PLEKHA6: variants seen among roughly 807,000 people sequenced by gnomAD.
PLEKHA6 encodes the protein pleckstrin homology domain-containing family A member 6.
PLEKHA6 carries 60 observed loss-of-function variants against 116.7 expected under a neutral mutation model. The observed-to-expected ratio is 0.51, with a 90% CI of 0.42 to 0.64. The LOEUF (loss-of-function observed/expected upper bound fraction) is 0.64, where lower values mean the gene tolerates loss of function less well. Among genes scored for constraint, PLEKHA6 ranks in the 30% least tolerant of loss-of-function variants. PLEKHA6 has a pLI of 0.00. For synonymous variants in PLEKHA6, 489 were observed against 556.1 expected, an observed-to-expected ratio of 0.88 and a Z score of 1.70; for missense variants, 1,338 against 1,422.7, an observed-to-expected ratio of 0.94 and a Z score of 0.96.
intron 12 of PLEKHA6, 50 bp downstream of exon 12, chr1:204,248,771 C>A: frequency 6.4e-7 from 1 of 1,570,332 alleles, no homozygotes; most frequent in Non-Finnish European, 8.7e-7. Flanking sequence ...GGTGGCCCTG[C>A]TGCCTAGTGC....
chr1:204,334,282 G>A (rs950492991), intron 1 of PLEKHA6, among the ~76,000 whole-genome samples: 9 of 152,174 alleles, frequency 5.9e-5, no homozygotes, highest in Admixed American at 2.0e-4. Flanking sequence ...TGAGTGGGAC[G>A]CAAAGCCTTT....
rs1484134831 is a variant in PLEKHA6, at chr1:204,277,241, G to A, written c.-94-2432C>T. 1.3e-5 allele frequency: 2 copies of A among 152,300 alleles called. No individual in the cohort carries two copies. The highest frequency in any genetic ancestry group is 6.5e-5 in the Admixed American group (1 of 15,278). The allele number at this position is 152,300 out of a possible 1,614,324, so 9.4% of individuals were successfully genotyped here. ...GGCACTCTCCTTGGGTGGTGGTAGG[G>A]GTCGCCTAGGTGCCCTAGTAGGCCT... On this transcript the variant is annotated intron_variant, in intron 1 of 22. Coordinates refer to ENST00000272203, the MANE Select transcript of PLEKHA6 (RefSeq NM_014935.5). This position sits in a 1 kb window ranked among gnomAD's most constrained non-coding sequence, Gnocchi z 4.1.
Position 204,268,226 on chromosome 1 carries a change from C to T in PLEKHA6, c.189G>A (p.Ala63=), listed in dbSNP as rs746976238. The change falls in exon 4 of 23, where the codon GCG becomes GCA. Residue 63 remains alanine, a synonymous_variant. Coordinates refer to ENST00000272203, the MANE Select transcript of PLEKHA6 (RefSeq NM_014935.5). ...GCCTCACCTGTTTGAAGAGCCAGCCCGCCTTGGTGACAGGTGCATTGGGGT... is the reference window on the plus strand; with the variant it reads ...GCCTCACCTGTTTGAAGAGCCAGCCTGCCTTGGTGACAGGTGCATTGGGGT... ...KRNPNAPVTK[A]GWLFKQASSG... 70 of 1,611,198 alleles carry T rather than the reference C, an allele frequency of 4.3e-5. No individual in the cohort carries two copies. The highest frequency in any genetic ancestry group is 1.6e-4 in the Middle Eastern group (1 of 6,066).
chr1:204,257,686 G>T lies in PLEKHA6; in HGVS notation c.1191C>A (p.Arg397=), dbSNP rs1166107288. Residue 397 remains arginine, a synonymous_variant, in exon 9 of 23, where the codon CGC becomes CGA. Coordinates refer to ENST00000272203, the MANE Select transcript of PLEKHA6 (RefSeq NM_014935.5). This position sits in a 1 kb window ranked among gnomAD's most constrained non-coding sequence, Gnocchi z 6.5. ...GCTGGTAGGCAGGGCCACCCCCATT[G>T]CGGAAGGCATGGCGCTTGTCCTCCA... ...WALEDKRHAF[R]NGGGPAYQLR... The T allele has an allele frequency of 1.9e-6, 3 of 1,611,042 alleles. No homozygotes were observed. The highest frequency in any genetic ancestry group is 2.5e-6 in the Non-Finnish European group (3 of 1,178,804).
In PLEKHA6 at chr1:204,308,693, T is replaced by C. The variant is rs111433099; in HGVS notation, c.-94-33884A>G. On this transcript the variant is annotated intron_variant, in intron 1 of 22. Coordinates refer to ENST00000272203, the MANE Select transcript of PLEKHA6 (RefSeq NM_014935.5). Reference sequence around the variant, plus strand: ...GGTAATTCTTTTTCTTTTTCTTTTTTTTTTTTTTTTTTTTTGAGACAGAGT... The same window carrying C: ...GGTAATTCTTTTTCTTTTTCTTTTTCTTTTTTTTTTTTTTTGAGACAGAGT... 5.7e-4 allele frequency among the ~76,000 whole-genome samples: 56 copies of C among 99,050 alleles called. 1 individual carries two copies. The highest frequency in any genetic ancestry group is 2.2e-3 in the African/African-American group (49 of 22,200). The allele number at this position is 99,050 out of a possible 152,430, so 65.0% of individuals were successfully genotyped here.
Position 204,295,422 on chromosome 1 carries a change from G to A in PLEKHA6, c.-94-20613C>T, listed in dbSNP as rs541074167. ...AGAGGATCGCTTGAATCCGGGAGGC[G>A]GAGGTTGCAGTGAGCTGAGGTCATG... On this transcript the variant is annotated intron_variant, in intron 1 of 22. Coordinates refer to ENST00000272203, the MANE Select transcript of PLEKHA6 (RefSeq NM_014935.5). Among the ~76,000 whole-genome samples the A allele has an allele frequency of 5.3e-5, 8 of 151,848 alleles. No individual in the cohort carries two copies. In the East Asian group the frequency reaches 1.2e-3, roughly 22 times the overall value.
chr1:204,243,224 C>T (rs1000270994), intron 15 of PLEKHA6: 46 of 399,292 alleles, frequency 1.2e-4, no homozygotes, highest in African/African-American at 4.7e-4. Context: ...TCCAGGGGGA[C>T]GTAGGCTTTG....
intron 1 of PLEKHA6, among the ~76,000 whole-genome samples, chr1:204,305,084 T>C (rs1165706215): frequency 1.3e-5 from 2 of 152,162 alleles, no homozygotes; most frequent in South Asian, 2.1e-4. Flanking sequence ...AAAAAAAGTA[T>C]GCCTCTGGTG....
At chr1:204,250,109 T>C (rs1485494879) in intron 10 of PLEKHA6, among the ~76,000 whole-genome samples, 3 of 152,214 alleles carry the variant, frequency 2.0e-5, no homozygotes, top group Non-Finnish European at 2.9e-5. Context: ...CACTTCCCAC[T>C]ACCCTGAAGC....
chr1:204,304,790 T>C (rs1318453088), intron 1 of PLEKHA6, among the ~76,000 whole-genome samples: 1 of 152,164 alleles, frequency 6.6e-6, no homozygotes, highest in African/African-American at 2.4e-5. Flanking sequence ...GCTTTTGGGA[T>C]TCAGACCTTC....
chr1:204,273,858 T>C, intron 2 of PLEKHA6, 118 bp from the exon 3 acceptor site: 1 of 704,414 alleles, frequency 1.4e-6, no homozygotes, highest in Non-Finnish European at 2.5e-6. Flanking sequence ...AAATTAGATC[T>C]CTTGAGTGCC....
intron 1 of PLEKHA6, among the ~76,000 whole-genome samples, chr1:204,351,206 G>T (rs899225895): frequency 1.1e-4 from 16 of 152,334 alleles, no homozygotes; most frequent in Non-Finnish European, 1.6e-4. Flanking sequence ...GGTGTGGCGG[G>T]GGGGAGGTGG....
chr1:204,360,386 C>A (rs867976940), upstream of PLEKHA6, among the ~76,000 whole-genome samples: 2,879 of 145,610 alleles, frequency 0.02, 90 homozygotes, highest in African/African-American at 0.066. Context: ...ATCCCCCGCC[C>A]CCCCCCCAAT....
At chr1:204,266,986 G>A (rs116706542) in intron 5 of PLEKHA6, among the ~76,000 whole-genome samples, 1,571 of 152,290 alleles carry the variant, frequency 0.01, 30 homozygotes, top group African/African-American at 0.036. Flanking sequence ...ACTGAGCACC[G>A]ACTAAATGGC....
At chr1:204,375,923 C>T (rs1673861101) in intron 1 of PLEKHA6, among the ~76,000 whole-genome samples, 1 of 151,258 alleles carries the variant, frequency 6.6e-6, no homozygotes, top group Non-Finnish European at 1.5e-5. Context: ...GCTTCTTTCA[C>T]TCTTGTCTCT....
chr1:204,358,786 C>T (rs1245720109), intron 1 of PLEKHA6, among the ~76,000 whole-genome samples: 2 of 152,138 alleles, frequency 1.3e-5, no homozygotes, highest in Non-Finnish European at 2.9e-5. Flanking sequence ...CTCCCTCTAT[C>T]CCGGTTCTCC....
At chr1:204,334,018 T>C (rs1431739523) in intron 1 of PLEKHA6, among the ~76,000 whole-genome samples, 1 of 152,198 alleles carries the variant, frequency 6.6e-6, no homozygotes. Context: ...TCCCCAGGTC[T>C]TGAACACAAC....
intron 1 of PLEKHA6, among the ~76,000 whole-genome samples, chr1:204,375,589 T>C (rs1218101813): frequency 6.6e-6 from 1 of 152,114 alleles, no homozygotes; most frequent in Non-Finnish European, 1.5e-5. Flanking sequence ...TTTCCATACC[T>C]TAAGTTTCTC....
chr1:204,273,151 C>T (rs560403878), intron 3 of PLEKHA6, among the ~76,000 whole-genome samples: 2 of 152,284 alleles, frequency 1.3e-5, no homozygotes, highest in Admixed American at 1.3e-4. Flanking sequence ...CCTTCCTTCC[C>T]CCTCTCTGAG....
Sources: allele counts gnomAD v4.1 joint callset (sites outside exome capture counted in the v4.1 genomes callset), GRCh38; gene constraint gnomAD v4.1.1; non-coding constraint Gnocchi (gnomAD v3.1); transcripts MANE v1.5; gene names NCBI Gene and HGNC (gene_info 2026-07-23, HGNC 2026-07-21).